MTSS1: variants seen among roughly 807,000 people sequenced by gnomAD.
MTSS1 encodes protein MTSS 1.
Under a neutral mutation model 79.0 loss-of-function variants are expected in MTSS1, and 18 were observed. The observed-to-expected ratio is 0.23, with a 90% CI of 0.16 to 0.34. The LOEUF (loss-of-function observed/expected upper bound fraction) is 0.34, where lower values mean the gene tolerates loss of function less well. Ranked by LOEUF, MTSS1 falls within the 10% of genes least tolerant of loss-of-function variation. The pLI, the probability that MTSS1 is intolerant of heterozygous loss-of-function variation, is 1.00. For synonymous variants in MTSS1, 341 were observed against 368.6 expected (o/e 0.93, Z 0.86); for missense variants, 815 against 986.2 (o/e 0.83, Z 2.33).
intron 11 of MTSS1, 104 bp downstream of exon 11, chr8:124,557,577 G>A: frequency 8.4e-7 from 1 of 1,196,720 alleles, no homozygotes; most frequent in South Asian, 1.6e-5. Context: ...GGCAGAGTGT[G>A]AAAGGAAGGG....
In MTSS1 at chr8:124,565,640, AGTGGACCC is replaced by A; in HGVS notation, c.824+14_824+21del. The A allele has an allele frequency of 6.3e-7, 1 of 1,598,358 alleles. No individual in the cohort carries two copies. Among genetic ancestry groups the A allele is most frequent in the East Asian group, 2.2e-5 (1 of 44,820 alleles). On this transcript the variant is annotated intron_variant, in intron 9 of 13. Coordinates refer to ENST00000518547, the MANE Select transcript of MTSS1 (RefSeq NM_014751.6). ...AAAAATGACCCGTCCTGAAAGCAAG[AGTGGACCC>A]CGGCTTCACTCACCTGCAGACACTG...
intron 7 of MTSS1, chr8:124,567,671 C>G: frequency 7.0e-7 from 1 of 1,421,856 alleles, no homozygotes; most frequent in Non-Finnish European, 9.2e-7. Flanking sequence ...ACAAGTAAGA[C>G]AGGAGCTGGG....
intron 6 of MTSS1, among the ~76,000 whole-genome samples, chr8:124,584,532 G>A (rs969629230): frequency 6.6e-6 from 1 of 152,144 alleles, no homozygotes; most frequent in African/African-American, 2.4e-5. Flanking sequence ...TGTGAAGGAG[G>A]ATAAACAAGG....
intron 3 of MTSS1, among the ~76,000 whole-genome samples, chr8:124,607,883 G>C (rs1190192644): frequency 2.0e-5 from 3 of 152,046 alleles, no homozygotes; most frequent in Non-Finnish European, 4.4e-5. Flanking sequence ...AAAAGGGGGG[G>C]CTTAATTATT....
At chr8:124,554,293 A>G (rs1458819436) in intron 13 of MTSS1, among the ~76,000 whole-genome samples, 1 of 152,092 alleles carries the variant, frequency 6.6e-6, no homozygotes, top group Non-Finnish European at 1.5e-5. Context: ...TACTATTGAT[A>G]ATTTGGGCTG....
At chr8:124,680,725 T>C (rs1044943995) in intron 3 of MTSS1, among the ~76,000 whole-genome samples, 52 of 152,216 alleles carry the variant, frequency 3.4e-4, no homozygotes, top group African/African-American at 1.3e-3. Context: ...AACAACCTAT[T>C]ACATGTGTCA....
At chr8:124,620,791 C>T (rs976405885) in intron 3 of MTSS1, among the ~76,000 whole-genome samples, 1 of 152,194 alleles carries the variant, frequency 6.6e-6, no homozygotes, top group Non-Finnish European at 1.5e-5. Context: ...GATTTTAAAA[C>T]ATCTTTTCAT....
intron 3 of MTSS1, among the ~76,000 whole-genome samples, chr8:124,692,950 G>A (rs1390553281): frequency 2.6e-5 from 4 of 152,106 alleles, no homozygotes; most frequent in Admixed American, 2.6e-4. Context: ...AATCTGGTGG[G>A]GAAGATAGTG....
chr8:124,639,879 T>A (rs902770469), intron 3 of MTSS1, among the ~76,000 whole-genome samples: 2 of 152,210 alleles, frequency 1.3e-5, no homozygotes, highest in African/African-American at 4.8e-5. Flanking sequence ...TAATAGTGAA[T>A]AAGGTAAACA....
At chr8:124,686,311 A>G (rs1826973954) in intron 3 of MTSS1, among the ~76,000 whole-genome samples, 1 of 151,406 alleles carries the variant, frequency 6.6e-6, no homozygotes, top group Non-Finnish European at 1.5e-5. Flanking sequence ...TCCTATTCTC[A>G]TTTGACTTAA....
intron 6 of MTSS1, 188 bp from the exon 7 acceptor site, chr8:124,568,724 TGCCCAAAG>T: frequency 6.7e-7 from 1 of 1,491,290 alleles, no homozygotes; most frequent in South Asian, 1.3e-5. Flanking sequence ...CAATTTTCAA[TGCCCAAAG>T]GGCACATTTA....
chr8:124,703,911 G>A (rs1167532357), intron 2 of MTSS1, among the ~76,000 whole-genome samples: 2 of 152,196 alleles, frequency 1.3e-5, no homozygotes. Flanking sequence ...TCCTATGGAA[G>A]GAGGAAAGCA....
rs73341856 is a variant in MTSS1, at chr8:124,604,475, A to G, written c.209-13240T>C. ...TAAAAGAACTTGAAAAGATATTCAA[A>G]AATAAACCCATAAAGCCCCCAAAAA... is the stretch of plus-strand genomic sequence containing the variant. On this transcript the variant is annotated intron_variant, in intron 3 of 13. Coordinates refer to ENST00000518547, the MANE Select transcript of MTSS1 (RefSeq NM_014751.6). 8.7e-3 allele frequency among the ~76,000 whole-genome samples: 1,320 copies of G among 152,316 alleles called. 20 individuals are homozygous for G. The highest frequency in any genetic ancestry group is 0.029 in the African/African-American group (1,199 of 41,554).
intron 9 of MTSS1, among the ~76,000 whole-genome samples, chr8:124,564,984 G>C (rs1359829242): frequency 6.6e-6 from 1 of 152,220 alleles, no homozygotes; most frequent in African/African-American, 2.4e-5. Flanking sequence ...ACTATACCAA[G>C]AGAGATAGAT....
chr8:124,602,207 A>ATATATATATATATATATATATAT, intron 3 of MTSS1, among the ~76,000 whole-genome samples: 1 of 142,212 alleles, frequency 7.0e-6, no homozygotes, highest in Admixed American at 6.9e-5. Context: ...ATATATATAT[A>ATATATATATATATATATATATAT]ATTTTTTTTT....
intron 3 of MTSS1, among the ~76,000 whole-genome samples, chr8:124,659,902 T>C (rs1821681397): frequency 6.6e-6 from 1 of 152,184 alleles, no homozygotes; most frequent in South Asian, 2.1e-4. Flanking sequence ...AATAAATACA[T>C]GCACACAAAA....
At chr8:124,652,261 C>A (rs1490820970) in intron 3 of MTSS1, among the ~76,000 whole-genome samples, 1 of 152,174 alleles carries the variant, frequency 6.6e-6, no homozygotes, top group African/African-American at 2.4e-5. Flanking sequence ...GCAACCTCTG[C>A]CTCCCAGGTT....
intron 3 of MTSS1, among the ~76,000 whole-genome samples, chr8:124,613,532 C>G (rs1237304360): frequency 6.6e-6 from 1 of 152,216 alleles, no homozygotes; most frequent in Non-Finnish European, 1.5e-5. Flanking sequence ...TTTCCTGTTT[C>G]ATGTATCAAC....
At chr8:124,596,170 T>G (rs1481556588) in intron 3 of MTSS1, among the ~76,000 whole-genome samples, 1 of 152,204 alleles carries the variant, frequency 6.6e-6, no homozygotes, top group Admixed American at 6.5e-5. Flanking sequence ...CACCCCAGTT[T>G]TGCAAGCATA....
Sources: gnomAD v4.1 joint callset for allele counts (sites outside exome capture counted in the v4.1 genomes callset) on GRCh38, gnomAD v4.1.1 for gene constraint, MANE v1.5 for transcripts, NCBI Gene and HGNC (gene_info 2026-07-23, HGNC 2026-07-21) for gene names.